NOS1AP: variants seen among roughly 807,000 people sequenced by gnomAD.
The protein encoded by NOS1AP is nitric oxide synthase 1 adaptor protein, also known as carboxyl-terminal PDZ ligand of neuronal nitric oxide synthase protein.
A neutral mutation model predicts 56.2 loss-of-function variants in NOS1AP; 21 were observed. The observed-to-expected ratio is 0.37, with a 90% CI of 0.26 to 0.54. The LOEUF (loss-of-function observed/expected upper bound fraction) is 0.54. Among genes scored for constraint, NOS1AP ranks in the 20% least tolerant of loss-of-function variants. NOS1AP has a pLI of 0.84. For synonymous variants in NOS1AP, 270 were observed against 274.6 expected (o/e 0.98, Z 0.17); for missense variants, 522 against 657.8 (o/e 0.79, Z 2.26).
chr1:162,234,897 C>G lies in NOS1AP; in HGVS notation c.178-52447C>G, dbSNP rs535561717. ...TGCTTCTGGAGTTCTGCAAACTATA[C>G]CCTGCAATCGGCTGTTGAGGCAGAA... On this transcript the variant is annotated intron_variant, in intron 2 of 9. Coordinates refer to ENST00000361897, the MANE Select transcript of NOS1AP (RefSeq NM_014697.3). 5.3e-5 allele frequency among the ~76,000 whole-genome samples: 8 copies of G among 152,246 alleles called. No homozygotes were observed. The East Asian group carries it at 1.5e-3, about 29-fold the overall frequency.
At chr1:162,094,115 C>A (rs1036523181) in intron 1 of NOS1AP, among the ~76,000 whole-genome samples, 1 of 152,158 alleles carries the variant, frequency 6.6e-6, no homozygotes, top group Non-Finnish European at 1.5e-5. Flanking sequence ...TAGACTCGCA[C>A]CAATGGCAGA....
chr1:162,205,861 C>T (rs543500480), intron 2 of NOS1AP, among the ~76,000 whole-genome samples: 2 of 152,108 alleles, frequency 1.3e-5, no homozygotes, highest in Non-Finnish European at 2.9e-5. Context: ...TAAACATTTG[C>T]TATCTGGCCT....
chr1:162,234,107 G>A (rs1227780394), intron 2 of NOS1AP, among the ~76,000 whole-genome samples: 2 of 152,192 alleles, frequency 1.3e-5, no homozygotes, highest in African/African-American at 4.8e-5. Flanking sequence ...GGCAGAATGT[G>A]ATTGGGCCCA....
At chr1:162,224,227 A>G (rs899334113) in intron 2 of NOS1AP, among the ~76,000 whole-genome samples, 1 of 151,830 alleles carries the variant, frequency 6.6e-6, no homozygotes, top group African/African-American at 2.4e-5. Flanking sequence ...AAACAAGGAG[A>G]GAAATGAGTT....
chr1:162,154,780 T>C (rs1202450864), intron 2 of NOS1AP, among the ~76,000 whole-genome samples: 2 of 152,174 alleles, frequency 1.3e-5, no homozygotes, highest in Non-Finnish European at 2.9e-5. Context: ...CTGATGTCTC[T>C]TTTTTATTCA....
chr1:162,100,694 A>T (rs1692374092), intron 1 of NOS1AP, among the ~76,000 whole-genome samples: 1 of 147,144 alleles, frequency 6.8e-6, no homozygotes, highest in Non-Finnish European at 1.5e-5. Flanking sequence ...TGTTTTAGAC[A>T]TGAAGTCCTT....
chr1:162,179,609 T>C (rs982321444), intron 2 of NOS1AP, among the ~76,000 whole-genome samples: 1 of 152,208 alleles, frequency 6.6e-6, no homozygotes, highest in Non-Finnish European at 1.5e-5. Context: ...AGAAACATTA[T>C]GTGAAGCTTC....
chr1:162,109,167 C>T (rs1235083909), intron 1 of NOS1AP, among the ~76,000 whole-genome samples: 4 of 152,208 alleles, frequency 2.6e-5, no homozygotes, highest in African/African-American at 9.7e-5. Context: ...ACTGGCCCCA[C>T]CTTGACATAT....
intron 1 of NOS1AP, among the ~76,000 whole-genome samples, chr1:162,123,705 G>A (rs957405608): frequency 8.6e-5 from 13 of 151,924 alleles, no homozygotes; most frequent in African/African-American, 3.1e-4. Flanking sequence ...TACAAAAATA[G>A]GATGAAGGAC....
intron 1 of NOS1AP, among the ~76,000 whole-genome samples, chr1:162,096,005 C>T (rs1692232017): frequency 6.6e-6 from 1 of 152,124 alleles, no homozygotes. Flanking sequence ...CCTGTTTAAT[C>T]CTTGTTGGTG....
chr1:162,163,431 T>A (rs561324665), intron 2 of NOS1AP, among the ~76,000 whole-genome samples: 7 of 152,130 alleles, frequency 4.6e-5, no homozygotes, highest in African/African-American at 1.7e-4. Flanking sequence ...TTTGAAAAAA[T>A]AAATTGACTT....
At chr1:162,199,078 T>C (rs554190334) in intron 2 of NOS1AP, among the ~76,000 whole-genome samples, 1 of 152,344 alleles carries the variant, frequency 6.6e-6, no homozygotes, top group South Asian at 2.1e-4. Context: ...TGCTTCATTG[T>C]TAGGGGATAG....
chr1:162,129,798 T>C (rs1648667917), intron 1 of NOS1AP, among the ~76,000 whole-genome samples: 1 of 152,208 alleles, frequency 6.6e-6, no homozygotes, highest in Non-Finnish European at 1.5e-5. Flanking sequence ...CGTCTCCCTC[T>C]TTTTGGCCTA....
chr1:162,194,178 C>T (rs910532115), intron 2 of NOS1AP, among the ~76,000 whole-genome samples: 1 of 152,166 alleles, frequency 6.6e-6, no homozygotes, highest in Non-Finnish European at 1.5e-5. Context: ...TCCCAACTTC[C>T]CAATTACCAT....
intron 2 of NOS1AP, among the ~76,000 whole-genome samples, chr1:162,179,252 T>A (rs1232014738): frequency 6.6e-6 from 1 of 152,212 alleles, no homozygotes; most frequent in Non-Finnish European, 1.5e-5. Context: ...ATAAAAATCT[T>A]ACGAAATAGA....
At chr1:162,091,816 T>G (rs920234448) in intron 1 of NOS1AP, among the ~76,000 whole-genome samples, 3 of 152,172 alleles carry the variant, frequency 2.0e-5, no homozygotes, top group African/African-American at 7.2e-5. Context: ...TGTGCAGTCT[T>G]GCTGTGTTCT....
chr1:162,081,819 G>T (rs1691902785), intron 1 of NOS1AP, among the ~76,000 whole-genome samples: 3 of 131,170 alleles, frequency 2.3e-5, no homozygotes, highest in Non-Finnish European at 4.8e-5. Flanking sequence ...GCTCAGACTG[G>T]TCTGGAACTC....
rs1293160066 is a variant in NOS1AP at position 162,370,462 on chromosome 1, C to G, written c.*2995C>G. 6.6e-6 allele frequency: 1 copy of G among 152,148 alleles called. No homozygotes were observed. The highest frequency in any genetic ancestry group is 2.4e-5 in the African/African-American group (1 of 41,422). The allele number at this position is 152,148 out of a possible 1,614,324, so 9.4% of individuals were successfully genotyped here. ...GTCTAGTGGCTTTTGCTAAATAAAC[C>G]TTTCTTATTTCTAGAAGCTTTTCCA... On this transcript the variant is annotated 3_prime_UTR_variant, in exon 10 of 10. Transcript: ENST00000361897.
In NOS1AP at chr1:162,365,581, C is replaced by G; in HGVS notation, c.1105+12C>G. 6.2e-7 allele frequency: 1 copy of G among 1,607,162 alleles called. No individual in the cohort carries two copies. Among genetic ancestry groups the G allele is most frequent in the Non-Finnish European group, 8.5e-7 (1 of 1,179,976 alleles). ...AGGACAGAACGCCAGTAAGCCAGTGCCCTGCCCAGCCCTGCTTCCTCTGTG... is the reference window on the plus strand; with the variant it reads ...AGGACAGAACGCCAGTAAGCCAGTGGCCTGCCCAGCCCTGCTTCCTCTGTG... On this transcript the variant is annotated intron_variant, in intron 9 of 9. Coordinates refer to ENST00000361897, the MANE Select transcript of NOS1AP (RefSeq NM_014697.3).
Sources: gnomAD v4.1 joint callset for allele counts (sites outside exome capture counted in the v4.1 genomes callset) on GRCh38, gnomAD v4.1.1 for gene constraint, MANE v1.5 for transcripts, NCBI Gene and HGNC (gene_info 2026-07-23, HGNC 2026-07-21) for gene names.